The following TMEM245 variants were observed in gnomAD, a reference collection of about 807,000 sequenced individuals.
TMEM245 encodes protein CG-2.
In TMEM245, 69 loss-of-function variants were observed where a neutral mutation model predicts 101.2. The ratio of observed to expected loss-of-function variants is 0.68; its 90% CI spans 0.56 to 0.83. TMEM245 has a LOEUF of 0.83. Ranked by LOEUF, TMEM245 falls within the 40% of genes least tolerant of loss-of-function variation. The pLI is 0.00. For synonymous variants in TMEM245, 537 were observed against 449.8 expected, an observed-to-expected ratio of 1.19 and a Z score of -2.45; for missense variants, 1,075 against 1,092.8, an observed-to-expected ratio of 0.98 and a Z score of 0.23.
chr9:109,063,604 T>G (rs1268607553), intron 10 of TMEM245, among the ~76,000 whole-genome samples: 1 of 152,204 alleles, frequency 6.6e-6, no homozygotes. Flanking sequence ...CAAATTACCT[T>G]TATTCCTACA....
intron 9 of TMEM245, among the ~76,000 whole-genome samples, chr9:109,071,264 T>C (rs1004327938): frequency 1.3e-5 from 2 of 152,108 alleles, no homozygotes; most frequent in African/African-American, 4.8e-5. Context: ...AATATTCCAC[T>C]GCATAAATAT....
At chr9:109,088,460 AC>A (rs1829904690) in intron 5 of TMEM245, among the ~76,000 whole-genome samples, 1 of 152,140 alleles carries the variant, frequency 6.6e-6, no homozygotes, top group Admixed American at 6.5e-5. Context: ...CTGCTAACAA[AC>A]TTTAAGGAAA....
In TMEM245 at chr9:109,119,698, C is replaced by G. The variant is rs1308672318; in HGVS notation, c.216G>C (p.Leu72=). ...FVCLCCGAAV[L]VYFILEAFLR... ...GGAAGGCCTCCAGGATGAAGTAGAC[C>G]AGCACCGCGGCGCCGCAGCACAGGC... Residue 72 remains leucine (L), a synonymous_variant, in exon 1 of 18, where the codon CTG becomes CTC. Coordinates refer to ENST00000374586, the MANE Select transcript of TMEM245 (RefSeq NM_032012.4). 1.3e-6 allele frequency: 2 copies of G among 1,551,886 alleles called. No individual in the cohort carries two copies. Among genetic ancestry groups the G allele is most frequent in the Non-Finnish European group, 1.7e-6 (2 of 1,152,430 alleles).
intron 7 of TMEM245, among the ~76,000 whole-genome samples, chr9:109,085,208 C>T (rs1045120648): frequency 6.6e-6 from 1 of 152,198 alleles, no homozygotes; most frequent in African/African-American, 2.4e-5. Flanking sequence ...TGGGCTCAAA[C>T]AATCCTTCTG....
intron 14 of TMEM245, chr9:109,038,505 T>C (rs1418891450): frequency 2.4e-5 from 4 of 163,744 alleles, no homozygotes; most frequent in African/African-American, 9.6e-5. Context: ...AAGAATACAG[T>C]TTAAACTCTA....
At chr9:109,098,871 G>T (rs546103127) in intron 3 of TMEM245, among the ~76,000 whole-genome samples, 1 of 152,168 alleles carries the variant, frequency 6.6e-6, no homozygotes, top group Non-Finnish European at 1.5e-5. Flanking sequence ...GCACCAGGGG[G>T]CAGAAACTCA....
intron 1 of TMEM245, among the ~76,000 whole-genome samples, chr9:109,117,995 T>C (rs772907957): frequency 1.3e-5 from 2 of 152,270 alleles, no homozygotes; most frequent in Non-Finnish European, 2.9e-5. Flanking sequence ...GATTTGCTCA[T>C]GAGCTGTGTG....
intron 3 of TMEM245, among the ~76,000 whole-genome samples, chr9:109,101,859 T>G (rs1243616653): frequency 6.6e-6 from 1 of 152,180 alleles, no homozygotes; most frequent in East Asian, 1.9e-4. Flanking sequence ...GTCTTAGAAG[T>G]CTTATTACCC....
At chr9:109,089,013 C>T (rs1829922683) in intron 5 of TMEM245, among the ~76,000 whole-genome samples, 2 of 152,014 alleles carry the variant, frequency 1.3e-5, no homozygotes, top group South Asian at 4.2e-4. Flanking sequence ...GTGACTCACA[C>T]CTGTATAGTC....
chr9:109,097,682 G>A (rs1008522133), intron 3 of TMEM245, among the ~76,000 whole-genome samples: 8 of 152,206 alleles, frequency 5.3e-5, no homozygotes, highest in African/African-American at 1.9e-4. Flanking sequence ...ACTTTGGGAG[G>A]CTAAGGCAGG....
chr9:109,093,360 A>C (rs1830058153), intron 4 of TMEM245, 115 bp downstream of exon 4: 1 of 817,096 alleles, frequency 1.2e-6, no homozygotes, highest in East Asian at 2.5e-5. Context: ...AAAGAGAATA[A>C]ATGAAGGATC....
chr9:109,073,063 G>A (rs1829383033), intron 9 of TMEM245, among the ~76,000 whole-genome samples: 1 of 152,114 alleles, frequency 6.6e-6, no homozygotes, highest in Non-Finnish European at 1.5e-5. Flanking sequence ...GTCACTGTGA[G>A]GAACAAATGA....
intron 1 of TMEM245, among the ~76,000 whole-genome samples, chr9:109,116,578 C>G (rs1380969072): frequency 6.6e-6 from 1 of 151,534 alleles, no homozygotes; most frequent in Non-Finnish European, 1.5e-5. Flanking sequence ...GTCACCTAGG[C>G]TGGAGTGTAC....
At position 109,043,345 on chromosome 9, in the gene TMEM245, C is replaced by T. The variant is rs1429468982; in HGVS notation, c.2124-5228G>A. ...GACTTGTGCTGTGTGATCCATGGTG[C>T]CAATGGTCATTACCCTTCCCTTTGT... is the stretch of plus-strand genomic sequence containing the variant. On this transcript the variant is annotated intron_variant, in intron 14 of 17. Coordinates refer to ENST00000374586, the MANE Select transcript of TMEM245 (RefSeq NM_032012.4). Among the ~76,000 whole-genome samples, 5 of 152,156 alleles carry T rather than the reference C, an allele frequency of 3.3e-5. No homozygotes were observed. The East Asian group carries it at 9.6e-4, about 29-fold the overall frequency.
intron 9 of TMEM245, among the ~76,000 whole-genome samples, chr9:109,070,507 A>T (rs562321569): frequency 6.6e-6 from 1 of 152,210 alleles, no homozygotes; most frequent in Non-Finnish European, 1.5e-5. Flanking sequence ...GTTCACCTCC[A>T]CTGAAACTGT....
chr9:109,021,974 A>G (rs1176390906), intron 17 of TMEM245, among the ~76,000 whole-genome samples: 2 of 152,188 alleles, frequency 1.3e-5, no homozygotes, highest in Admixed American at 6.5e-5. Context: ...AAACTCATAA[A>G]ATAAACAATC....
At chr9:109,075,223 C>A (rs1425212214) in intron 8 of TMEM245, among the ~76,000 whole-genome samples, 4 of 152,270 alleles carry the variant, frequency 2.6e-5, no homozygotes, top group Non-Finnish European at 5.9e-5. Context: ...CCGAAATAAA[C>A]CTCACATAGA....
rs1827555575 is a variant in TMEM245 at position 109,019,492 on chromosome 9, T to C, written c.*968A>G. ...TGGTTATTGTGATATCTGAGATATTTTTAAAGTTGCAATTCAATTCAACAA... is the reference window on the plus strand; with the variant it reads ...TGGTTATTGTGATATCTGAGATATTCTTAAAGTTGCAATTCAATTCAACAA... On this transcript the variant is annotated 3_prime_UTR_variant, in exon 18 of 18. Transcript: ENST00000374586. 1 of 152,278 alleles carries C rather than the reference T, an allele frequency of 6.6e-6. No individual in the cohort carries two copies. Among genetic ancestry groups the C allele is most frequent in the Admixed American group, 6.5e-5 (1 of 15,288 alleles). 9.4% of individuals were successfully genotyped at this position (152,278 alleles called of 1,614,324 possible).
chr9:109,052,369 T>G (rs1412241068), intron 12 of TMEM245, among the ~76,000 whole-genome samples: 4 of 152,358 alleles, frequency 2.6e-5, no homozygotes, highest in Non-Finnish European at 5.9e-5. Context: ...AGCTAGTAAG[T>G]GGAACTAGAG....
Sources: gnomAD v4.1 joint callset for allele counts (sites outside exome capture counted in the v4.1 genomes callset) on GRCh38, gnomAD v4.1.1 for gene constraint, MANE v1.5 for transcripts, NCBI Gene and HGNC (gene_info 2026-07-23, HGNC 2026-07-21) for gene names.